The following PLIN3 variants were observed in gnomAD, a reference collection of about 807,000 sequenced individuals.
PLIN3 encodes the protein perilipin 3, also known as perilipin-3.
Under a neutral mutation model 35.9 loss-of-function variants are expected in PLIN3, and 30 were observed. That is an observed-to-expected ratio of 0.84 (90% confidence interval 0.62 to 1.13). PLIN3 has a LOEUF of 1.13. PLIN3 is among the 50% of genes most tolerant of loss of function. The pLI is 0.00. For synonymous variants in PLIN3, 261 were observed against 262.5 expected, an observed-to-expected ratio of 0.99 and a Z score of 0.06; for missense variants, 603 against 596.9, an observed-to-expected ratio of 1.01 and a Z score of -0.11.
chr19:4,846,155 G>A (rs1044003827), intron 6 of PLIN3, among the ~76,000 whole-genome samples: 3 of 151,856 alleles, frequency 2.0e-5, no homozygotes, highest in African/African-American at 4.8e-5. Flanking sequence ...GAACCCAGGA[G>A]GCGGAGCTTG....
In PLIN3 at chr19:4,852,022, C is replaced by A; in HGVS notation, c.628G>T (p.Glu210Ter). ...GCCCGCTGGCCACACTTACCCAGTT[C>A]GGCATCCGTAAGGGGCAGGTGGTTG... The part of the protein sequence containing the change: ...ADNHLPLTDA[E>*]LARIATSLDG... Residue 210 changes from glutamate to a stop codon, truncating the protein, a stop_gained, in exon 5 of 8, where the codon GAA becomes TAA. Coordinates refer to ENST00000221957, the MANE Select transcript of PLIN3 (RefSeq NM_005817.5). LOFTEE classifies it high-confidence loss of function. 1 of 1,612,994 alleles carries A rather than the reference C, an allele frequency of 6.2e-7. No individual in the cohort carries two copies. The highest frequency in any genetic ancestry group is 8.5e-7 in the Non-Finnish European group (1 of 1,179,460).
intron 7 of PLIN3, among the ~76,000 whole-genome samples, chr19:4,840,169 T>C (rs964340196): frequency 7.2e-5 from 11 of 152,102 alleles, no homozygotes; most frequent in Non-Finnish European, 1.0e-4. Context: ...GGTTTCACCA[T>C]GTTGGCCAGG....
chr19:4,849,873 A>C (rs2030229010), intron 5 of PLIN3, among the ~76,000 whole-genome samples: 1 of 151,478 alleles, frequency 6.6e-6, no homozygotes, highest in South Asian at 2.1e-4. Flanking sequence ...GGCTGGTCTC[A>C]AACTCCTGAC....
chr19:4,864,299 T>G (rs2030776831), intron 1 of PLIN3, among the ~76,000 whole-genome samples: 1 of 151,462 alleles, frequency 6.6e-6, no homozygotes, highest in South Asian at 2.1e-4. Flanking sequence ...ATTACAGGTG[T>G]GCACCACGTC....
intron 4 of PLIN3, among the ~76,000 whole-genome samples, chr19:4,858,706 T>TG (rs2030561424): frequency 7.9e-6 from 1 of 127,382 alleles, no homozygotes; most frequent in South Asian, 2.5e-4. Context: ...TTTTGGTTTT[T>TG]TTTTTTTTTT....
chr19:4,844,734 G>A lies in PLIN3; in HGVS notation c.894C>T (p.His298=), dbSNP rs893099132. The change falls in exon 7 of 8, where the codon CAC becomes CAT. Residue 298 remains histidine, a synonymous_variant. Transcript: ENST00000221957. ...QKLVEGQEKL[H]QMWLSWNQKQ... is the part of the protein sequence containing the mutation. ...TCTGGTTCCAGCTGAGCCACATCTGGTGCAGCTTCTCCTGGCCTTCCACCA... is the reference window on the plus strand; with the variant it reads ...TCTGGTTCCAGCTGAGCCACATCTGATGCAGCTTCTCCTGGCCTTCCACCA... 2.5e-6 allele frequency: 4 copies of A among 1,605,676 alleles called. No homozygotes were observed. Among genetic ancestry groups the A allele is most frequent in the Non-Finnish European group, 3.4e-6 (4 of 1,176,416 alleles).
chr19:4,853,459 G>A (rs915130225), intron 4 of PLIN3, among the ~76,000 whole-genome samples: 49 of 152,006 alleles, frequency 3.2e-4, no homozygotes, highest in South Asian at 1.0e-3. Flanking sequence ...CCAAGTAGCT[G>A]GGATTACAAG....
chr19:4,841,719 G>A (rs1452352497), intron 7 of PLIN3, among the ~76,000 whole-genome samples: 4 of 151,074 alleles, frequency 2.6e-5, no homozygotes, highest in Non-Finnish European at 4.4e-5. Flanking sequence ...TGGCTAACAT[G>A]GTGAAACCCC....
intron 4 of PLIN3, among the ~76,000 whole-genome samples, chr19:4,855,924 C>CAA (rs772454816): frequency 8.1e-4 from 60 of 73,774 alleles, no homozygotes; most frequent in Non-Finnish European, 1.0e-3. Context: ...GACCTTGTCT[C>CAA]AAAAAAAAAA....
chr19:4,854,979 G>C (rs1007735828), intron 4 of PLIN3, among the ~76,000 whole-genome samples: 5 of 152,092 alleles, frequency 3.3e-5, no homozygotes, highest in African/African-American at 1.2e-4. Context: ...GCCGGGCACG[G>C]TGACTCACGC....
At position 4,841,920 on chromosome 19, in the gene PLIN3, A is replaced by G. The variant is rs540001775; in HGVS notation, c.961-2384T>C. Among the ~76,000 whole-genome samples the G allele has an allele frequency of 8.2e-4, 69 of 83,714 alleles. No homozygotes were observed. In the East Asian group the frequency reaches 0.011, roughly 13 times the overall value. The allele number at this position is 83,714 out of a possible 152,430, so 54.9% of individuals were successfully genotyped here. A position where few individuals can be genotyped will look rare whatever the true frequency, so the allele number is the denominator to read the frequency against. ...ACTCCATCTCAAAAAAAAAAAAAAAAAAAAAAGAAAAAAAAAAGCTGTTAA... is the reference window on the plus strand; with the variant it reads ...ACTCCATCTCAAAAAAAAAAAAAAAGAAAAAAGAAAAAAAAAAGCTGTTAA... On this transcript the variant is annotated intron_variant, in intron 7 of 7. Coordinates refer to ENST00000221957, the MANE Select transcript of PLIN3 (RefSeq NM_005817.5).
rs777147524 is a variant in PLIN3, at chr19:4,847,696, T to C, written c.829A>G (p.Ser277Gly). The C allele has an allele frequency of 1.3e-5, 21 of 1,597,808 alleles. No individual in the cohort carries two copies. The highest frequency in any genetic ancestry group is 1.8e-5 in the Non-Finnish European group (21 of 1,172,784). Residue 277 changes from serine (S) to glycine (G), a missense_variant, in exon 6 of 8, where the codon AGC becomes GGC. Transcript: ENST00000221957. ...EALLQLSQVL[S>G]LMETVKQGVD... is the part of the protein sequence containing the mutation. Reference sequence around the variant, plus strand: ...CCGACCCCCTGGAACCTCACCAGGCTTAGGACCTGCGACAGCTGCAGCAGA... The same window carrying C: ...CCGACCCCCTGGAACCTCACCAGGCCTAGGACCTGCGACAGCTGCAGCAGA...
At chr19:4,860,451 C>T (rs1424708972) in intron 2 of PLIN3, among the ~76,000 whole-genome samples, 2 of 152,016 alleles carry the variant, frequency 1.3e-5, no homozygotes, top group Non-Finnish European at 2.9e-5. Flanking sequence ...GATTCGCCCA[C>T]CTCAGCCTCC....
At chr19:4,854,978 G>A (rs144731159) in intron 4 of PLIN3, among the ~76,000 whole-genome samples, 25 of 152,004 alleles carry the variant, frequency 1.6e-4, no homozygotes, top group African/African-American at 4.3e-4. Flanking sequence ...GGCCGGGCAC[G>A]GTGACTCACG....
At chr19:4,850,954 T>C (rs1446616235) in intron 5 of PLIN3, among the ~76,000 whole-genome samples, 1 of 152,006 alleles carries the variant, frequency 6.6e-6, no homozygotes, top group Non-Finnish European at 1.5e-5. Context: ...GCCAAGGAGT[T>C]CTGGATCAGC....
At position 4,844,655 on chromosome 19, in the gene PLIN3, C is replaced by A. The variant is rs746786720; in HGVS notation, c.960+13G>T. 2 of 1,461,818 alleles carry A rather than the reference C, an allele frequency of 1.4e-6. No homozygotes were observed. Among genetic ancestry groups the A allele is most frequent in the South Asian group, 2.4e-5 (2 of 84,834 alleles). The allele number at this position is 1,461,818 out of a possible 1,614,324, so 90.6% of individuals were successfully genotyped here. A position where few individuals can be genotyped will look rare whatever the true frequency, so the allele number is the denominator to read the frequency against. On this transcript the variant is annotated intron_variant, in intron 7 of 7. Coordinates refer to ENST00000221957, the MANE Select transcript of PLIN3 (RefSeq NM_005817.5). ...AAGTACCCTAGGCCACCCCCCAGTCCCCTCATGGGTACCTCTGGCTTGGGC... is the reference window on the plus strand; with the variant it reads ...AAGTACCCTAGGCCACCCCCCAGTCACCTCATGGGTACCTCTGGCTTGGGC...
At position 4,847,817 on chromosome 19, in the gene PLIN3, G is replaced by T. The variant is rs1352744050; in HGVS notation, c.708C>A (p.Phe236Leu). Residue 236 changes from phenylalanine to leucine, a missense_variant, in exon 6 of 8, where the codon TTC becomes TTA. Phe to Leu is a conservative substitution (Grantham distance 22). Coordinates refer to ENST00000221957, the MANE Select transcript of PLIN3 (RefSeq NM_005817.5). ...VQQQRQEQSYFVRLGSLSERL... is the reference protein window; with the variant it reads ...VQQQRQEQSYLVRLGSLSERL... The stretch of plus-strand genomic sequence containing the variant: ...TCTCCGACAGGGAGCCCAGACGTAC[G>T]AAGTAGCTCTGTTCCTGCCGCTGCT... The T allele has an allele frequency of 3.7e-6, 6 of 1,613,788 alleles. No individual in the cohort carries two copies. The highest frequency in any genetic ancestry group is 1.3e-5 in the African/African-American group (1 of 74,930).
At position 4,842,942 on chromosome 19, in the gene PLIN3, C is replaced by T. The variant is rs540972119; in HGVS notation, c.960+1726G>A. 1.4e-4 allele frequency among the ~76,000 whole-genome samples: 21 copies of T among 152,202 alleles called. No individual in the cohort carries two copies. The South Asian group carries it at 1.4e-3, about 10-fold the overall frequency. ...AGTTTTTAAAAAATCGATCTGGGTC[C>T]GGGCACGGTGGCTCACGCCTGTAAT... On this transcript the variant is annotated intron_variant, in intron 7 of 7. Transcript: ENST00000221957.
chr19:4,851,516 A>C (rs2146205118), intron 5 of PLIN3, among the ~76,000 whole-genome samples: 1 of 152,234 alleles, frequency 6.6e-6, no homozygotes, highest in South Asian at 2.1e-4. Flanking sequence ...CAGTGCAGGG[A>C]GTGCGAATAT....
Sources: allele counts gnomAD v4.1 joint callset (sites outside exome capture counted in the v4.1 genomes callset), GRCh38; gene constraint gnomAD v4.1.1; transcripts MANE v1.5; gene names NCBI Gene and HGNC (gene_info 2026-07-23, HGNC 2026-07-21).